The following ART3 variants were observed in gnomAD, a reference collection of about 807,000 sequenced individuals.
ART3 encodes ADP-ribosyltransferase 3 (inactive).
ART3 carries 49 observed loss-of-function variants against 48.5 expected under a neutral mutation model. The observed-to-expected ratio is 1.01, with a 90% CI of 0.80 to 1.28. ART3 has a LOEUF of 1.28. Among genes scored for constraint, ART3 ranks in the 50% most tolerant of loss-of-function variants. The probability of loss-of-function intolerance (pLI) is 0.00; values close to 1 mark genes in which losing one functional copy is unlikely to be tolerated. For synonymous variants in ART3, 145 were observed against 157.2 expected, an observed-to-expected ratio of 0.92 and a Z score of 0.58; for missense variants, 438 against 454.3, an observed-to-expected ratio of 0.96 and a Z score of 0.33.
chr4:76,102,159 G>A (rs959475606), intron 8 of ART3, among the ~76,000 whole-genome samples: 1 of 152,196 alleles, frequency 6.6e-6, no homozygotes, highest in Non-Finnish European at 1.5e-5. Flanking sequence ...AAAGAACAGA[G>A]TATATTAATT....
At chr4:76,081,608 C>T (rs1361587726) in intron 2 of ART3, among the ~76,000 whole-genome samples, 1 of 152,120 alleles carries the variant, frequency 6.6e-6, no homozygotes, top group Non-Finnish European at 1.5e-5. Flanking sequence ...TACCTCTCAC[C>T]CACTGACATT....
intron 1 of ART3, among the ~76,000 whole-genome samples, chr4:76,040,539 G>A (rs1339807814): frequency 2.1e-5 from 1 of 47,778 alleles, no homozygotes; most frequent in African/African-American, 1.2e-4. Flanking sequence ...CCCCCTCCAT[G>A]TGTCAGGGAC....
intron 11 of ART3, among the ~76,000 whole-genome samples, chr4:76,109,473 G>GT (rs1357355576): frequency 6.6e-6 from 1 of 152,026 alleles, no homozygotes; most frequent in Admixed American, 6.6e-5. Context: ...TATAGTTAAC[G>GT]TTTTTTAATA....
At chr4:76,035,375 A>G (rs4859415) in intron 1 of ART3, 893,072 of 1,604,092 alleles carry the variant, frequency 0.56, 256,239 homozygotes, top group East Asian at 0.94. Flanking sequence ...TTAGTAATGC[A>G]TCTGATTGCA....
In ART3 at chr4:76,100,403, C is replaced by A. The variant is rs7661525; in HGVS notation, c.877+83C>A. On this transcript the variant is annotated intron_variant, in intron 6 of 11. Coordinates refer to ENST00000355810, the MANE Select transcript of ART3 (RefSeq NM_001130016.3). ...ATCCCAGCACTTTGGGAGGCCGAGG[C>A]GGGAGGATCATGAGGTCAGGAGATT... 3,435 of 1,376,222 alleles carry A rather than the reference C, an allele frequency of 2.5e-3. 73 individuals are homozygous for A. The African/African-American group carries it at 0.044, about 18-fold the overall frequency. The allele number at this position is 1,376,222 out of a possible 1,614,324, so 85.3% of individuals were successfully genotyped here.
intron 1 of ART3, among the ~76,000 whole-genome samples, chr4:76,025,712 G>A (rs1038761330): frequency 1.3e-5 from 2 of 152,104 alleles, no homozygotes; most frequent in East Asian, 1.9e-4. Flanking sequence ...TAGATTCATC[G>A]ATGTAGTTGC....
intron 2 of ART3, among the ~76,000 whole-genome samples, 179 bp downstream of exon 2, chr4:76,076,137 T>C (rs958582817): frequency 6.6e-6 from 1 of 151,982 alleles, no homozygotes; most frequent in African/African-American, 2.4e-5. Context: ...CCCCAGTAGC[T>C]AGGACTACAG....
chr4:76,051,832 G>T lies in ART3; in HGVS notation c.-9-24049G>T, dbSNP rs531559004. On this transcript the variant is annotated intron_variant, in intron 1 of 9. Transcript: ENST00000341029. Reference sequence around the variant, plus strand: ...GCTGGGATTACTGGCATAAGCCACTGTACCTGGCTGACAATGAATTTTAAA... The same window carrying T: ...GCTGGGATTACTGGCATAAGCCACTTTACCTGGCTGACAATGAATTTTAAA... Among the ~76,000 whole-genome samples the T allele has an allele frequency of 5.7e-3, 861 of 149,950 alleles. 20 individuals carry two copies. The highest frequency in any genetic ancestry group is 0.02 in the African/African-American group (819 of 40,780).
At chr4:76,079,216 C>T (rs1721890143) in intron 2 of ART3, among the ~76,000 whole-genome samples, 1 of 146,630 alleles carries the variant, frequency 6.8e-6, no homozygotes, top group Non-Finnish European at 1.5e-5. Flanking sequence ...AATAATAGTA[C>T]CTACCTCACA....
chr4:76,098,440 G>A (rs1726510086), intron 4 of ART3, among the ~76,000 whole-genome samples: 1 of 152,150 alleles, frequency 6.6e-6, no homozygotes, highest in Admixed American at 6.5e-5. Context: ...AAGTTCAAAA[G>A]CAAGGTTCTG....
chr4:76,014,807 G>A (rs950849299), intron 1 of ART3, among the ~76,000 whole-genome samples: 4 of 152,142 alleles, frequency 2.6e-5, no homozygotes, highest in African/African-American at 9.7e-5. Flanking sequence ...AACAAGTGAA[G>A]TGATTCATCA....
chr4:76,016,225 AT>A (rs1045289844), intron 1 of ART3, among the ~76,000 whole-genome samples: 1 of 152,196 alleles, frequency 6.6e-6, no homozygotes, highest in Non-Finnish European at 1.5e-5. Flanking sequence ...GCTGCTAGAC[AT>A]ATTTCCAGAT....
chr4:76,051,112 G>A, intron 1 of ART3, among the ~76,000 whole-genome samples: 1 of 152,294 alleles, frequency 6.6e-6, no homozygotes, highest in Non-Finnish European at 1.5e-5. Flanking sequence ...CCACAGTGCA[G>A]CAGTGGGCTG....
intron 1 of ART3, among the ~76,000 whole-genome samples, chr4:76,067,458 C>A (rs933449821): frequency 6.8e-6 from 1 of 147,994 alleles, no homozygotes; most frequent in African/African-American, 2.5e-5. Context: ...CAAACATTTT[C>A]CCAAAATCTA....
At chr4:76,037,147 T>G (rs1734501223) in intron 1 of ART3, 2 of 153,258 alleles carry the variant, frequency 1.3e-5, no homozygotes, top group Admixed American at 1.3e-4. Context: ...TGAAGTTGTA[T>G]GAGTTGTATT....
intron 1 of ART3, among the ~76,000 whole-genome samples, chr4:76,038,736 T>TTTATTTATTTAC (rs1185094188): frequency 8.0e-6 from 1 of 125,356 alleles, no homozygotes; most frequent in African/African-American, 3.1e-5. Context: ...TATTTATTTA[T>TTTATTTATTTAC]CTTTGAGATG....
At chr4:76,098,639 A>G (rs990285805) in intron 4 of ART3, among the ~76,000 whole-genome samples, 78 of 152,160 alleles carry the variant, frequency 5.1e-4, no homozygotes, top group African/African-American at 1.9e-3. Context: ...GGCGCCTGTA[A>G]TCCTAGCTAC....
chr4:76,023,202 T>C (rs1297394663), intron 1 of ART3, among the ~76,000 whole-genome samples: 2 of 152,214 alleles, frequency 1.3e-5, no homozygotes, highest in Non-Finnish European at 2.9e-5. Flanking sequence ...TTTGTTTCTC[T>C]CACTTCAATT....
chr4:76,094,286 G>A (rs1444068288), intron 3 of ART3, among the ~76,000 whole-genome samples: 1 of 152,164 alleles, frequency 6.6e-6, no homozygotes, highest in Non-Finnish European at 1.5e-5. Context: ...ATGGAATACA[G>A]TTGTAATGAC....
Sources: gnomAD v4.1 joint callset for allele counts (sites outside exome capture counted in the v4.1 genomes callset) on GRCh38, gnomAD v4.1.1 for gene constraint, MANE v1.5 for transcripts, NCBI Gene and HGNC (gene_info 2026-07-23, HGNC 2026-07-21) for gene names.